CARMIL1: variants seen among roughly 807,000 people sequenced by gnomAD.
CARMIL1 encodes capping protein regulator and myosin 1 linker 1, also known as F-actin-uncapping protein LRRC16A.
Under a neutral mutation model 177.1 loss-of-function variants are expected in CARMIL1, and 90 were observed. That is an observed-to-expected ratio of 0.51 (90% CI 0.43 to 0.61). The LOEUF is 0.61. CARMIL1 is among the 20% of genes least tolerant of loss of function. The probability of loss-of-function intolerance (pLI) is 0.00; values close to 1 mark genes in which losing one functional copy is unlikely to be tolerated. For synonymous variants in CARMIL1, 577 were observed against 606.2 expected (o/e 0.95, Z 0.71); for missense variants, 1,380 against 1,667.0 (o/e 0.83, Z 3.00).
chr6:25,585,835 G>A (rs996288397), intron 31 of CARMIL1, among the ~76,000 whole-genome samples: 2 of 152,058 alleles, frequency 1.3e-5, no homozygotes, highest in Non-Finnish European at 2.9e-5. Context: ...AGTGGACACA[G>A]CACATGTTTC....
intron 2 of CARMIL1, among the ~76,000 whole-genome samples, chr6:25,343,170 ACT>A (rs1463061273): frequency 6.6e-6 from 1 of 152,108 alleles, no homozygotes; most frequent in African/African-American, 2.4e-5. Flanking sequence ...GTTTTCATGC[ACT>A]CTCCTGGAGT....
intron 25 of CARMIL1, among the ~76,000 whole-genome samples, chr6:25,539,357 A>T (rs936527092): frequency 2.0e-5 from 3 of 152,052 alleles, no homozygotes; most frequent in Admixed American, 6.5e-5. Flanking sequence ...CATTTAGTGT[A>T]TGCAGAGAAC....
At chr6:25,565,683 A>G (rs1028039861) in intron 29 of CARMIL1, among the ~76,000 whole-genome samples, 2 of 152,086 alleles carry the variant, frequency 1.3e-5, no homozygotes, top group Admixed American at 6.5e-5. Flanking sequence ...TGTCTCTACT[A>G]AAAATACAAA....
intron 2 of CARMIL1, among the ~76,000 whole-genome samples, chr6:25,349,598 T>C (rs749651280): frequency 5.3e-5 from 8 of 152,330 alleles, no homozygotes; most frequent in Non-Finnish European, 1.2e-4. Flanking sequence ...CTTTAAAAGA[T>C]TGGTAGTTCC....
chr6:25,302,244 G>T (rs1782912779), intron 2 of CARMIL1, among the ~76,000 whole-genome samples: 1 of 152,142 alleles, frequency 6.6e-6, no homozygotes, highest in African/African-American at 2.4e-5. Context: ...CCTCCATGCA[G>T]CAAATCCACT....
intron 9 of CARMIL1, among the ~76,000 whole-genome samples, chr6:25,469,440 C>T (rs1033199554): frequency 5.3e-5 from 8 of 152,166 alleles, no homozygotes; most frequent in African/African-American, 1.9e-4. Flanking sequence ...TGCTGTGGCA[C>T]ATAGAACATG....
intron 8 of CARMIL1, among the ~76,000 whole-genome samples, chr6:25,462,991 TAACA>T (rs1800256500): frequency 2.6e-5 from 4 of 152,156 alleles, no homozygotes; most frequent in Non-Finnish European, 5.9e-5. Flanking sequence ...GCCTAGGCAT[TAACA>T]CAATTTAGAG....
chr6:25,437,594 C>T (rs1392188391), intron 5 of CARMIL1, among the ~76,000 whole-genome samples: 5 of 152,140 alleles, frequency 3.3e-5, no homozygotes, highest in African/African-American at 9.7e-5. Context: ...TACCAGCTGC[C>T]CAATAGGGCA....
intron 2 of CARMIL1, among the ~76,000 whole-genome samples, chr6:25,313,223 T>G (rs1478163770): frequency 6.6e-6 from 1 of 152,062 alleles, no homozygotes; most frequent in Non-Finnish European, 1.5e-5. Context: ...AAACCAAGCT[T>G]AGATTTTGCA....
chr6:25,350,356 G>A (rs1010152912), intron 2 of CARMIL1, among the ~76,000 whole-genome samples: 2 of 152,110 alleles, frequency 1.3e-5, no homozygotes, highest in Non-Finnish European at 2.9e-5. Context: ...GTTACTAATG[G>A]TAAAAATCAA....
At chr6:25,456,254 C>T (rs1318077745) in intron 8 of CARMIL1, among the ~76,000 whole-genome samples, 2 of 152,140 alleles carry the variant, frequency 1.3e-5, no homozygotes, top group Non-Finnish European at 1.5e-5. Flanking sequence ...TATATAGGTG[C>T]TTCATGGTAA....
At chr6:25,618,950 A>G (rs1028612418) in intron 36 of CARMIL1, among the ~76,000 whole-genome samples, 2 of 152,224 alleles carry the variant, frequency 1.3e-5, no homozygotes, top group Admixed American at 6.5e-5. Context: ...CTTTGCTGAT[A>G]TCCTGTCCCA....
intron 5 of CARMIL1, among the ~76,000 whole-genome samples, chr6:25,449,088 C>T (rs1056607649): frequency 1.3e-4 from 20 of 152,114 alleles, no homozygotes; most frequent in African/African-American, 4.3e-4. Context: ...GATGGTGTTT[C>T]GTCACATTGC....
intron 2 of CARMIL1, among the ~76,000 whole-genome samples, chr6:25,368,139 A>G (rs1011503507): frequency 2.0e-5 from 3 of 152,238 alleles, no homozygotes; most frequent in Admixed American, 1.3e-4. Flanking sequence ...AGTTCAAATC[A>G]GTTGGTATGC....
chr6:25,581,379 G>A lies in CARMIL1; in HGVS notation c.2946G>A (p.Leu982=). Residue 982 remains leucine (L), a synonymous_variant, in exon 31 of 37, where the codon CTG becomes CTA. Transcript: ENST00000329474. ...SELPSEEGKK[L]EHFTKLRPKR... ...TGCCCTCTGAAGAGGGGAAGAAGCT[G>A]GAACACTTTACCAAGTTAAGGCCAA... The A allele has an allele frequency of 1.2e-6, 2 of 1,613,514 alleles. No individual in the cohort carries two copies. The highest frequency in any genetic ancestry group is 1.7e-5 in the Admixed American group (1 of 59,920).
At chr6:25,280,450 G>C (rs1397789300) in intron 1 of CARMIL1, among the ~76,000 whole-genome samples, 1 of 152,098 alleles carries the variant, frequency 6.6e-6, no homozygotes, top group Non-Finnish European at 1.5e-5. Flanking sequence ...CGCAGACTCA[G>C]GCCAGGAAAT....
chr6:25,523,360 T>C (rs1323416097), intron 23 of CARMIL1, among the ~76,000 whole-genome samples: 1 of 152,184 alleles, frequency 6.6e-6, no homozygotes, highest in Non-Finnish European at 1.5e-5. Context: ...TCTGGCACTA[T>C]TTTAAATGTT....
At position 25,490,742 on chromosome 6, in the gene CARMIL1, TAAATAAATAAA is replaced by T. The variant is rs1369781999; in HGVS notation, c.1066-986_1066-976del. Among the ~76,000 whole-genome samples, 785 of 126,832 alleles carry T rather than the reference TAAATAAATAAA, an allele frequency of 6.2e-3. 23 individuals carry two copies. The East Asian group carries it at 0.078, about 13-fold the overall frequency. 83.2% of individuals were successfully genotyped at this position (126,832 alleles called of 152,430 possible). On this transcript the variant is annotated intron_variant, in intron 13 of 36. Coordinates refer to ENST00000329474, the MANE Select transcript of CARMIL1 (RefSeq NM_017640.6). ...ATAAATAAATAAATAAATAAATAAA[TAAATAAATAAA>T]AAAAAATAAATGTCATTCTGTGTGT...
intron 2 of CARMIL1, among the ~76,000 whole-genome samples, chr6:25,406,410 C>T (rs920705333): frequency 1.3e-5 from 2 of 151,924 alleles, no homozygotes; most frequent in African/African-American, 2.4e-5. Flanking sequence ...TGGTGCAGAG[C>T]CACTGAAGAG....
Sources: allele counts gnomAD v4.1 joint callset (sites outside exome capture counted in the v4.1 genomes callset), GRCh38; gene constraint gnomAD v4.1.1; transcripts MANE v1.5; gene names NCBI Gene and HGNC (gene_info 2026-07-23, HGNC 2026-07-21).